The following ROBO2 variants were observed in gnomAD, a reference collection of about 807,000 sequenced individuals.
ROBO2 encodes roundabout guidance receptor 2, also known as roundabout homolog 2.
In ROBO2, 53 loss-of-function variants were observed where a neutral mutation model predicts 160.8. That is an observed-to-expected ratio of 0.33 (90% confidence interval 0.26 to 0.41). The LOEUF is 0.41. Among genes scored for constraint, ROBO2 ranks in the 10% least tolerant of loss-of-function variants. The probability of loss-of-function intolerance (pLI) is 1.00; values close to 1 mark genes in which losing one functional copy is unlikely to be tolerated. For missense variants in ROBO2, 1,577 were observed against 1,722.4 expected, an observed-to-expected ratio of 0.92 and a Z score of 1.49; for synonymous variants, 664 against 611.7, an observed-to-expected ratio of 1.09 and a Z score of -1.26.
At chr3:76,689,705 A>G (rs2092760105) in intron 2 of ROBO2, among the ~76,000 whole-genome samples, 1 of 152,164 alleles carries the variant, frequency 6.6e-6, no homozygotes, top group Admixed American at 6.6e-5. Context: ...TGTAGCCATC[A>G]TACGGAAAGC....
intron 2 of ROBO2, among the ~76,000 whole-genome samples, chr3:77,027,955 C>T (rs1234530277): frequency 4.6e-5 from 7 of 152,122 alleles, no homozygotes; most frequent in Non-Finnish European, 8.8e-5. Flanking sequence ...AGAAGCCCAA[C>T]GACTATTAAA....
intron 2 of ROBO2, among the ~76,000 whole-genome samples, chr3:76,588,267 C>G (rs2108797227): frequency 6.6e-6 from 1 of 152,240 alleles, no homozygotes. Flanking sequence ...ACCAACCTGG[C>G]AGAAAATCCC....
chr3:76,149,082 G>GT (rs961087195), intron 2 of ROBO2, among the ~76,000 whole-genome samples: 79 of 151,020 alleles, frequency 5.2e-4, no homozygotes, highest in East Asian at 2.2e-3. Flanking sequence ...CACTCACTCA[G>GT]TTTTTTTTTG....
intron 2 of ROBO2, among the ~76,000 whole-genome samples, chr3:76,431,237 CA>C: frequency 6.7e-6 from 1 of 149,764 alleles, no homozygotes; most frequent in African/African-American, 2.5e-5. Context: ...TATTTGTCAG[CA>C]AAAAAAATCA....
intron 2 of ROBO2, among the ~76,000 whole-genome samples, chr3:77,174,919 C>A (rs1401203608): frequency 6.6e-6 from 1 of 151,928 alleles, no homozygotes; most frequent in African/African-American, 2.4e-5. Flanking sequence ...TAAAAATATC[C>A]TGAAACACTA....
chr3:76,316,031 G>A (rs1489826702), intron 2 of ROBO2, among the ~76,000 whole-genome samples: 1 of 152,142 alleles, frequency 6.6e-6, no homozygotes, highest in African/African-American at 2.4e-5. Flanking sequence ...ATTTTAAAAG[G>A]GGAGGGAGTG....
At chr3:76,399,117 A>G (rs1034078412) in intron 2 of ROBO2, among the ~76,000 whole-genome samples, 2 of 151,978 alleles carry the variant, frequency 1.3e-5, no homozygotes, top group African/African-American at 4.8e-5. Flanking sequence ...TAACATTGAA[A>G]TCATATACAG....
At chr3:76,630,233 G>A (rs1259380873) in intron 2 of ROBO2, among the ~76,000 whole-genome samples, 5 of 151,976 alleles carry the variant, frequency 3.3e-5, no homozygotes, top group Admixed American at 3.3e-4. Flanking sequence ...AGGTATCTAC[G>A]TCGTTCATGT....
intron 2 of ROBO2, among the ~76,000 whole-genome samples, chr3:77,319,549 A>ACTT (rs2064442595): frequency 6.6e-6 from 1 of 152,182 alleles, no homozygotes; most frequent in Non-Finnish European, 1.5e-5. Context: ...TTGGCTGGAA[A>ACTT]CTTTATACTA....
intron 2 of ROBO2, among the ~76,000 whole-genome samples, chr3:76,004,158 A>C (rs2065959748): frequency 6.6e-6 from 1 of 152,214 alleles, no homozygotes; most frequent in Admixed American, 6.5e-5. Flanking sequence ...AGAAGCCCAC[A>C]TATTAGTAAA....
chr3:77,590,747 G>T (rs2094160670), intron 17 of ROBO2, among the ~76,000 whole-genome samples: 1 of 151,616 alleles, frequency 6.6e-6, no homozygotes, highest in Non-Finnish European at 1.5e-5. Flanking sequence ...TCTCATAGTT[G>T]GTAAGTTTAT....
chr3:76,100,009 G>T (rs193025022), intron 2 of ROBO2, among the ~76,000 whole-genome samples: 1 of 152,244 alleles, frequency 6.6e-6, no homozygotes, highest in Admixed American at 6.5e-5. Flanking sequence ...AGATAGCGTG[G>T]ATCTGCAAAC....
intron 24 of ROBO2, among the ~76,000 whole-genome samples, chr3:77,639,203 C>A (rs2095312074): frequency 6.6e-6 from 1 of 152,076 alleles, no homozygotes; most frequent in African/African-American, 2.4e-5. Context: ...TAGCTTTGGC[C>A]TTTGAGCAAA....
At chr3:76,109,600 C>T (rs770357750) in intron 2 of ROBO2, among the ~76,000 whole-genome samples, 14 of 152,018 alleles carry the variant, frequency 9.2e-5, no homozygotes, top group Non-Finnish European at 1.8e-4. Context: ...TTTCTTTTTC[C>T]ACTGGCTCTT....
intron 2 of ROBO2, among the ~76,000 whole-genome samples, chr3:76,108,160 T>C (rs1288373980): frequency 2.0e-5 from 3 of 152,080 alleles, no homozygotes; most frequent in Admixed American, 6.6e-5. Flanking sequence ...TCTACTGGGT[T>C]GTGTTCGGAA....
intron 2 of ROBO2, among the ~76,000 whole-genome samples, chr3:75,969,391 A>G (rs544825889): frequency 1.3e-5 from 2 of 151,316 alleles, no homozygotes; most frequent in South Asian, 4.2e-4. Flanking sequence ...ATACAGATAT[A>G]TCTTTCATAT....
intron 2 of ROBO2, among the ~76,000 whole-genome samples, chr3:76,248,157 C>T (rs1237513194): frequency 6.6e-6 from 1 of 151,862 alleles, no homozygotes; most frequent in Admixed American, 6.6e-5. Context: ...ACCCAAAGGA[C>T]TATAAATCAT....
At chr3:76,893,945 C>G (rs1377752611) in intron 2 of ROBO2, among the ~76,000 whole-genome samples, 3 of 151,990 alleles carry the variant, frequency 2.0e-5, no homozygotes, top group African/African-American at 4.8e-5. Context: ...TTTTTATAAA[C>G]AAGAAGTGAA....
chr3:77,084,294 A>G (rs2069027106), intron 1 of ROBO2, among the ~76,000 whole-genome samples: 1 of 152,128 alleles, frequency 6.6e-6, no homozygotes, highest in South Asian at 2.1e-4. Flanking sequence ...AAACATCATT[A>G]AACTCTTAAC....
Sources: allele counts gnomAD v4.1 joint callset (sites outside exome capture counted in the v4.1 genomes callset), GRCh38; gene constraint gnomAD v4.1.1; transcripts MANE v1.5; gene names NCBI Gene and HGNC (gene_info 2026-07-23, HGNC 2026-07-21).